Variants in MARCHF5 observed in about 807,000 individuals in gnomAD.
The protein encoded by MARCHF5 is E3 ubiquitin-protein ligase MARCHF5.
Under a neutral mutation model 36.5 loss-of-function variants are expected in MARCHF5, and 5 were observed. The observed-to-expected ratio is 0.14, with a 90% CI of 0.07 to 0.29. MARCHF5 has a LOEUF of 0.29. Ranked by LOEUF, MARCHF5 falls within the 10% of genes least tolerant of loss-of-function variation. The pLI, the probability that MARCHF5 is intolerant of heterozygous loss-of-function variation, is 1.00. For missense variants in MARCHF5, 179 were observed against 336.3 expected, an observed-to-expected ratio of 0.53 and a Z score of 3.66; for synonymous variants, 103 against 109.9, an observed-to-expected ratio of 0.94 and a Z score of 0.39.
chr10:92,342,948 G>C (rs1416742517), intron 3 of MARCHF5, among the ~76,000 whole-genome samples: 1 of 152,198 alleles, frequency 6.6e-6, no homozygotes, highest in Non-Finnish European at 1.5e-5. Context: ...TGGTGAGACA[G>C]AGTATTATGA....
In MARCHF5 at chr10:92,332,893, G is replaced by A. The variant is rs1014562812; in HGVS notation, c.239-7780G>A. On this transcript the variant is annotated intron_variant, in intron 2 of 5. Coordinates refer to ENST00000358935, the MANE Select transcript of MARCHF5 (RefSeq NM_017824.5). ...AAATTCACATTTGTTGGCCGGGTGC[G>A]GTGGCTCACGCCTGTAATCCCAGCA... Among the ~76,000 whole-genome samples, 24 of 151,736 alleles carry A rather than the reference G, an allele frequency of 1.6e-4. No homozygotes were observed. The South Asian group carries it at 3.5e-3, about 22-fold the overall frequency.
chr10:92,307,223 G>A (rs1843086546), intron 1 of MARCHF5, among the ~76,000 whole-genome samples: 1 of 151,130 alleles, frequency 6.6e-6, no homozygotes, highest in East Asian at 2.0e-4. Context: ...GCGCGTGCAT[G>A]CACGCACGTG....
chr10:92,317,764 T>C (rs1315091763), intron 2 of MARCHF5, among the ~76,000 whole-genome samples: 1 of 151,916 alleles, frequency 6.6e-6, no homozygotes, highest in Admixed American at 6.6e-5. Flanking sequence ...TTTTTTTTTT[T>C]TTTTGAGGCA....
At chr10:92,303,674 G>T (rs1376210424) in intron 1 of MARCHF5, among the ~76,000 whole-genome samples, 3 of 151,834 alleles carry the variant, frequency 2.0e-5, no homozygotes, top group Non-Finnish European at 4.4e-5. Context: ...TAGATTTAGG[G>T]CAATTTTGTC....
chr10:92,311,744 A>C (rs960832747), intron 2 of MARCHF5, among the ~76,000 whole-genome samples: 1 of 152,240 alleles, frequency 6.6e-6, no homozygotes, highest in Admixed American at 6.5e-5. Flanking sequence ...TTAAGGAATA[A>C]AAGTAGAGAA....
rs968556223 is a variant in MARCHF5, at chr10:92,291,680, C to T, written c.35+151C>T. ...GTGAGAGGGGCAAAAAGTTTGGAGT[C>T]TAGACCTGGGGGAGGACAGAGCGAG... On this transcript the variant is annotated intron_variant, in intron 1 of 5. Coordinates refer to ENST00000358935, the MANE Select transcript of MARCHF5 (RefSeq NM_017824.5). 39 of 1,204,958 alleles carry T rather than the reference C, an allele frequency of 3.2e-5. 2 individuals carry two copies. In the African/African-American group the frequency reaches 5.4e-4, roughly 17 times the overall value. 74.6% of individuals were successfully genotyped at this position (1,204,958 alleles called of 1,614,324 possible). A position where few individuals can be genotyped will look rare whatever the true frequency, so the allele number is the denominator to read the frequency against.
At chr10:92,342,695 C>G (rs186577356) in intron 3 of MARCHF5, among the ~76,000 whole-genome samples, 3 of 152,220 alleles carry the variant, frequency 2.0e-5, no homozygotes, top group South Asian at 2.1e-4. Context: ...CCCAGCTTAA[C>G]ATCTCCATTG....
At chr10:92,318,426 CAAA>C (rs397845333) in intron 2 of MARCHF5, among the ~76,000 whole-genome samples, 20 of 124,588 alleles carry the variant, frequency 1.6e-4, no homozygotes, top group East Asian at 2.5e-4. Context: ...GACCCTGTCT[CAAA>C]AAAAAAAAAA....
At chr10:92,316,686 C>G (rs1843213899) in intron 2 of MARCHF5, among the ~76,000 whole-genome samples, 1 of 152,226 alleles carries the variant, frequency 6.6e-6, no homozygotes, top group Middle Eastern at 3.4e-3. Flanking sequence ...CCTCAGCCTT[C>G]CAAGTAGATG....
At chr10:92,331,037 A>G (rs1182701937) in intron 2 of MARCHF5, among the ~76,000 whole-genome samples, 1 of 152,198 alleles carries the variant, frequency 6.6e-6, no homozygotes, top group Non-Finnish European at 1.5e-5. Context: ...TCTAAAATAC[A>G]GTTTTTCTTA....
At chr10:92,317,538 G>C (rs1040023275) in intron 2 of MARCHF5, among the ~76,000 whole-genome samples, 1 of 151,622 alleles carries the variant, frequency 6.6e-6, no homozygotes, top group African/African-American at 2.4e-5. Flanking sequence ...TTTGTTTTTA[G>C]ATTGTTTAAG....
intron 5 of MARCHF5, 35 bp downstream of exon 5, chr10:92,349,872 C>G: frequency 6.5e-7 from 1 of 1,539,854 alleles, no homozygotes; most frequent in Non-Finnish European, 8.9e-7. Flanking sequence ...TATTACCTTG[C>G]AAAAGAGAAT....
rs1220084830 is a variant in MARCHF5 at position 92,347,508 on chromosome 10, A to AGAT, written c.370-1840_370-1838dup. Among the ~76,000 whole-genome samples, 167 of 63,314 alleles carry AGAT rather than the reference A, an allele frequency of 2.6e-3. 1 individual carries two copies. Among genetic ancestry groups the AGAT allele is most frequent in the Middle Eastern group, 9.1e-3 (1 of 110 alleles). 41.5% of individuals were successfully genotyped at this position (63,314 alleles called of 152,430 possible). ...TAGATAGATAGATAGATAGATAGATAGATAGATAGATAGATGATAGATATA... is the reference window on the plus strand; with the variant it reads ...TAGATAGATAGATAGATAGATAGATAGATGATAGATAGATAGATGATAGATATA... On this transcript the variant is annotated intron_variant, in intron 3 of 5. Coordinates refer to ENST00000358935, the MANE Select transcript of MARCHF5 (RefSeq NM_017824.5).
intron 2 of MARCHF5, among the ~76,000 whole-genome samples, chr10:92,323,065 A>G (rs1400764651): frequency 1.3e-5 from 2 of 151,676 alleles, no homozygotes; most frequent in Non-Finnish European, 2.9e-5. Flanking sequence ...CAGTCTTGCC[A>G]TGTTGCTCAG....
intron 1 of MARCHF5, among the ~76,000 whole-genome samples, chr10:92,304,297 A>G (rs904977812): frequency 6.6e-6 from 1 of 152,188 alleles, no homozygotes; most frequent in Non-Finnish European, 1.5e-5. Context: ...TATGGAGGTT[A>G]TATATGTGCT....
chr10:92,335,402 T>G (rs1843490706), intron 2 of MARCHF5, among the ~76,000 whole-genome samples: 1 of 152,234 alleles, frequency 6.6e-6, no homozygotes, highest in African/African-American at 2.4e-5. Context: ...AATCTTTAGC[T>G]CTCAGAAATA....
At chr10:92,350,497 G>GGGGTGATTGTC (rs1165250369) in intron 5 of MARCHF5, among the ~76,000 whole-genome samples, 3 of 152,202 alleles carry the variant, frequency 2.0e-5, no homozygotes, top group Non-Finnish European at 4.4e-5. Flanking sequence ...GTGAGAAGCA[G>GGGGTGATTGTC]GGGTGATTGT....
chr10:92,312,304 G>A (rs1843153675), intron 2 of MARCHF5, among the ~76,000 whole-genome samples: 1 of 152,068 alleles, frequency 6.6e-6, no homozygotes, highest in Non-Finnish European at 1.5e-5. Flanking sequence ...TAATAATAAG[G>A]GCAAACAAAA....
chr10:92,342,137 C>G (rs1266038488), intron 3 of MARCHF5, among the ~76,000 whole-genome samples: 2 of 146,516 alleles, frequency 1.4e-5, no homozygotes, highest in Non-Finnish European at 3.0e-5. Context: ...CTCTTCACCC[C>G]CCTCAATACT....
Sources: allele counts gnomAD v4.1 joint callset (sites outside exome capture counted in the v4.1 genomes callset), GRCh38; gene constraint gnomAD v4.1.1; transcripts MANE v1.5; gene names NCBI Gene and HGNC (gene_info 2026-07-23, HGNC 2026-07-21).